The following ARHGAP20 variants were observed in gnomAD, a reference collection of about 807,000 sequenced individuals.
ARHGAP20 encodes rho GTPase-activating protein 20.
ARHGAP20 carries 34 observed loss-of-function variants against 73.7 expected under a neutral mutation model. That is an observed-to-expected ratio of 0.46 (90% CI 0.35 to 0.61). The LOEUF is 0.61. Ranked by LOEUF, ARHGAP20 falls within the 20% of genes least tolerant of loss-of-function variation. The pLI is 0.00. For synonymous variants in ARHGAP20, 523 were observed against 518.2 expected, an observed-to-expected ratio of 1.01 and a Z score of -0.13; for missense variants, 1,314 against 1,420.9, an observed-to-expected ratio of 0.92 and a Z score of 1.21.
chr11:110,679,277 C>T (rs1013541681), intron 2 of ARHGAP20, among the ~76,000 whole-genome samples: 4 of 152,170 alleles, frequency 2.6e-5, no homozygotes, highest in Admixed American at 6.5e-5. Context: ...AACCTAATCT[C>T]GGAAGTGGCA....
intron 1 of ARHGAP20, among the ~76,000 whole-genome samples, chr11:110,696,773 G>A (rs1029417207): frequency 1.3e-5 from 2 of 151,430 alleles, no homozygotes; most frequent in South Asian, 4.1e-4. Context: ...CCATCTTTAT[G>A]TCCATTTGTA....
intron 11 of ARHGAP20, 38 bp from the exon 12 acceptor site, chr11:110,586,363 T>C (rs1048500789): frequency 7.7e-7 from 1 of 1,297,500 alleles, no homozygotes; most frequent in Admixed American, 2.2e-5. Context: ...CAAATAATTA[T>C]CCTCATGCCA....
intron 2 of ARHGAP20, among the ~76,000 whole-genome samples, chr11:110,678,613 T>C (rs968425236): frequency 3.9e-5 from 6 of 152,204 alleles, no homozygotes; most frequent in Admixed American, 2.6e-4. Flanking sequence ...CAATAACAAA[T>C]TACCCCCAAA....
intron 2 of ARHGAP20, among the ~76,000 whole-genome samples, chr11:110,683,809 T>G (rs893341136): frequency 1.8e-4 from 27 of 152,166 alleles, no homozygotes; most frequent in African/African-American, 6.0e-4. Context: ...TCTTTATAGA[T>G]TTTTAACTAT....
chr11:110,584,849 A>G (rs1947580388), intron 12 of ARHGAP20, among the ~76,000 whole-genome samples: 1 of 151,196 alleles, frequency 6.6e-6, no homozygotes, highest in Non-Finnish European at 1.5e-5. Context: ...TGATTCATAT[A>G]TATATATGTG....
At chr11:110,582,776 G>A (rs1947508557) in intron 13 of ARHGAP20, among the ~76,000 whole-genome samples, 1 of 152,188 alleles carries the variant, frequency 6.6e-6, no homozygotes, top group Non-Finnish European at 1.5e-5. Context: ...TATTTCTTGT[G>A]TAAAGGGCAG....
In ARHGAP20 at chr11:110,615,597, G is replaced by T. The variant is rs1357127098; in HGVS notation, c.504-3C>A. On this transcript the variant is annotated splice_region_variant and splice_polypyrimidine_tract_variant and intron_variant, in intron 4 of 14. Coordinates refer to ENST00000683387, the MANE Select transcript of ARHGAP20 (RefSeq NM_001384657.1). Reference sequence around the variant, plus strand: ...ATTTGTCCTTTTGTTCTGGAGAACTGCAATCAAAGAAAATGGGAGAGAAAA... The same window carrying T: ...ATTTGTCCTTTTGTTCTGGAGAACTTCAATCAAAGAAAATGGGAGAGAAAA... The T allele has an allele frequency of 4.8e-5, 78 of 1,611,204 alleles. No homozygotes were observed. The Admixed American group carries it at 1.3e-3, about 27-fold the overall frequency.
intron 2 of ARHGAP20, among the ~76,000 whole-genome samples, chr11:110,680,758 C>T (rs180914349): frequency 6.6e-6 from 1 of 152,190 alleles, no homozygotes; most frequent in African/African-American, 2.4e-5. Flanking sequence ...AATCATACCA[C>T]AAGAAAATTA....
intron 6 of ARHGAP20, among the ~76,000 whole-genome samples, chr11:110,612,316 T>C (rs981503353): frequency 6.6e-6 from 1 of 151,002 alleles, no homozygotes; most frequent in African/African-American, 2.4e-5. Context: ...TAGTCCCAGC[T>C]ACTCGGGAGG....
intron 1 of ARHGAP20, among the ~76,000 whole-genome samples, chr11:110,693,803 A>G (rs1950286825): frequency 6.6e-6 from 1 of 151,908 alleles, no homozygotes; most frequent in Non-Finnish European, 1.5e-5. Context: ...ACTTATCAGG[A>G]CAGGCTTACG....
chr11:110,620,346 T>C (rs1216939065), intron 4 of ARHGAP20, among the ~76,000 whole-genome samples: 7 of 152,156 alleles, frequency 4.6e-5, no homozygotes, highest in African/African-American at 1.7e-4. Context: ...AGATAGAATC[T>C]TGCTATATTG....
intron 11 of ARHGAP20, among the ~76,000 whole-genome samples, chr11:110,586,819 T>A (rs565535095): frequency 6.6e-6 from 1 of 152,320 alleles, no homozygotes; most frequent in South Asian, 2.1e-4. Flanking sequence ...AAGTCTCTGT[T>A]ATCTTGGAAC....
chr11:110,581,247 G>A, intron 14 of ARHGAP20, 22 bp from the exon 15 acceptor site: 3 of 1,586,692 alleles, frequency 1.9e-6, no homozygotes, highest in Non-Finnish European at 1.7e-6. Context: ...ATTAAACCAT[G>A]ATTAACATAT....
intron 1 of ARHGAP20, among the ~76,000 whole-genome samples, chr11:110,711,287 G>T (rs891179978): frequency 9.2e-5 from 14 of 152,020 alleles, no homozygotes; most frequent in Non-Finnish European, 2.1e-4. Context: ...CAGGGAACAC[G>T]CGCTGCCCCC....
intron 2 of ARHGAP20, among the ~76,000 whole-genome samples, chr11:110,642,943 A>C (rs905258433): frequency 8.6e-5 from 13 of 151,998 alleles, no homozygotes; most frequent in Non-Finnish European, 1.6e-4. Flanking sequence ...GTTTTTTATT[A>C]CTGCTTCAAT....
At chr11:110,590,089 C>T (rs1404787372) in intron 11 of ARHGAP20, among the ~76,000 whole-genome samples, 5 of 150,182 alleles carry the variant, frequency 3.3e-5, no homozygotes, top group Non-Finnish European at 5.9e-5. Flanking sequence ...CCATTGCACT[C>T]CAGCCTGGCC....
In ARHGAP20 at chr11:110,711,203, C is replaced by A. The variant is rs1272368535; in HGVS notation, c.105+924G>T. Among the ~76,000 whole-genome samples, 8 of 152,136 alleles carry A rather than the reference C, an allele frequency of 5.3e-5. No individual in the cohort carries two copies. The East Asian group carries it at 1.5e-3, about 29-fold the overall frequency. On this transcript the variant is annotated intron_variant, in intron 1 of 14. Transcript: ENST00000683387. ...GAAACCTGACCCGGATCGGAATCCT[C>A]CCGCAGCACAGCGGCCGTGTTTATC...
rs146706731 is a variant in ARHGAP20, at chr11:110,612,560, C to T, written c.631-1174G>A. On this transcript the variant is annotated intron_variant, in intron 6 of 14. Coordinates refer to ENST00000683387, the MANE Select transcript of ARHGAP20 (RefSeq NM_001384657.1). ...GCTACATTGTAAAAAAAACTTGCTACATACATAGGTTTTACACATGAGAAT... is the reference window on the plus strand; with the variant it reads ...GCTACATTGTAAAAAAAACTTGCTATATACATAGGTTTTACACATGAGAAT... Among the ~76,000 whole-genome samples, 51 of 152,132 alleles carry T rather than the reference C, an allele frequency of 3.4e-4. No individual in the cohort carries two copies. The East Asian group carries it at 9.5e-3, about 28-fold the overall frequency.
intron 9 of ARHGAP20, among the ~76,000 whole-genome samples, chr11:110,596,156 A>G (rs909194698): frequency 6.6e-6 from 1 of 152,162 alleles, no homozygotes; most frequent in Non-Finnish European, 1.5e-5. Context: ...AGATGGATTA[A>G]AGACTTACAT....
Sources: allele counts gnomAD v4.1 joint callset (sites outside exome capture counted in the v4.1 genomes callset), GRCh38; gene constraint gnomAD v4.1.1; transcripts MANE v1.5; gene names NCBI Gene and HGNC (gene_info 2026-07-23, HGNC 2026-07-21).